The following ITSN1 variants were observed in gnomAD, a reference collection of about 807,000 sequenced individuals.
ITSN1 encodes intersectin 1, also known as intersectin-1.
A neutral mutation model predicts 239.8 loss-of-function variants in ITSN1; 58 were observed. The ratio of observed to expected loss-of-function variants is 0.24; its 90% CI spans 0.20 to 0.30. The LOEUF (loss-of-function observed/expected upper bound fraction) is 0.30. Ranked by LOEUF, ITSN1 falls within the 10% of genes least tolerant of loss-of-function variation. The pLI, the probability that ITSN1 is intolerant of heterozygous loss-of-function variation, is 1.00. For missense variants in ITSN1, 1,558 were observed against 2,103.3 expected, an observed-to-expected ratio of 0.74 and a Z score of 5.07; for synonymous variants, 780 against 770.8, an observed-to-expected ratio of 1.01 and a Z score of -0.20.
At chr21:33,789,597 C>G (rs1363886133) in intron 16 of ITSN1, among the ~76,000 whole-genome samples, 1 of 152,076 alleles carries the variant, frequency 6.6e-6, no homozygotes, top group Non-Finnish European at 1.5e-5. Flanking sequence ...ATTTTTTTCT[C>G]TTCATATACA....
intron 4 of ITSN1, among the ~76,000 whole-genome samples, chr21:33,729,540 G>A (rs910459074): frequency 1.3e-5 from 2 of 152,096 alleles, no homozygotes; most frequent in African/African-American, 2.4e-5. Flanking sequence ...CATTTTAGGA[G>A]TTTATTTTGC....
intron 4 of ITSN1, among the ~76,000 whole-genome samples, chr21:33,728,315 C>T (rs1406163221): frequency 6.6e-6 from 1 of 151,984 alleles, no homozygotes; most frequent in Non-Finnish European, 1.5e-5. Flanking sequence ...TCACTGCAAC[C>T]TCTGCCTCAC....
At chr21:33,860,307 CAAAA>C (rs941744929) in intron 31 of ITSN1, among the ~76,000 whole-genome samples, 10 of 92,956 alleles carry the variant, frequency 1.1e-4, no homozygotes, top group Admixed American at 2.3e-4. Context: ...AACCCTGTCT[CAAAA>C]AAAGAAAAAA....
chr21:33,785,181 A>G (rs1488950134), intron 16 of ITSN1, among the ~76,000 whole-genome samples: 4 of 152,222 alleles, frequency 2.6e-5, no homozygotes, highest in Admixed American at 6.5e-5. Context: ...AGAGTACAGA[A>G]TTTTAAAATT....
intron 33 of ITSN1, among the ~76,000 whole-genome samples, chr21:33,870,414 G>A (rs1218165516): frequency 6.6e-6 from 1 of 152,156 alleles, no homozygotes; most frequent in Non-Finnish European, 1.5e-5. Flanking sequence ...GCAGAAACAC[G>A]ATTGATTTCT....
At chr21:33,731,587 TCACAATGTATGAAAAGAATA>T in intron 4 of ITSN1, among the ~76,000 whole-genome samples, 1 of 152,324 alleles carries the variant, frequency 6.6e-6, no homozygotes, top group South Asian at 2.1e-4. Flanking sequence ...AAATAGAATT[TCACAATGTATGAAAAGAATA>T]CACAATGACC....
intron 17 of ITSN1, among the ~76,000 whole-genome samples, chr21:33,795,357 G>A (rs1326027283): frequency 6.6e-6 from 1 of 152,210 alleles, no homozygotes; most frequent in Non-Finnish European, 1.5e-5. Context: ...GCTGAGGCAG[G>A]AGGATCACTT....
chr21:33,781,597 T>G, intron 15 of ITSN1, 49 bp downstream of exon 15: 1 of 1,099,678 alleles, frequency 9.1e-7, no homozygotes, highest in Non-Finnish European at 1.3e-6. Context: ...CTTTCTTTTT[T>G]TGACATGGAG....
chr21:33,734,676 C>T (rs969570891), intron 4 of ITSN1, among the ~76,000 whole-genome samples: 9 of 152,092 alleles, frequency 5.9e-5, no homozygotes, highest in South Asian at 2.1e-4. Flanking sequence ...AAAATTTACT[C>T]GTTTAAAGTA....
intron 17 of ITSN1, among the ~76,000 whole-genome samples, chr21:33,796,157 T>C (rs2071546338): frequency 1.3e-5 from 2 of 151,926 alleles, no homozygotes; most frequent in South Asian, 4.2e-4. Flanking sequence ...AGAGATGGGG[T>C]TTCACCATGT....
intron 20 of ITSN1, among the ~76,000 whole-genome samples, chr21:33,809,596 G>A (rs1237315200): frequency 6.6e-6 from 1 of 152,020 alleles, no homozygotes; most frequent in African/African-American, 2.4e-5. Flanking sequence ...TACTTGAATG[G>A]ATTAGATAAC....
intron 1 of ITSN1, among the ~76,000 whole-genome samples, chr21:33,684,325 T>C (rs1037932852): frequency 9.2e-5 from 14 of 152,216 alleles, no homozygotes; most frequent in African/African-American, 3.4e-4. Flanking sequence ...ATGGCACTCA[T>C]CTGAGTACCG....
chr21:33,727,820 C>T (rs1328931490), intron 4 of ITSN1, among the ~76,000 whole-genome samples: 10 of 152,036 alleles, frequency 6.6e-5, no homozygotes, highest in South Asian at 2.1e-4. Flanking sequence ...ATTGCATTTA[C>T]GGACTTTATC....
At chr21:33,682,239 G>A (rs1355504574) in intron 1 of ITSN1, among the ~76,000 whole-genome samples, 3 of 148,624 alleles carry the variant, frequency 2.0e-5, no homozygotes, top group African/African-American at 7.4e-5. Context: ...TTTTGAGATG[G>A]AGTTTCACTC....
At chr21:33,649,438 T>C (rs1025613444) in intron 1 of ITSN1, among the ~76,000 whole-genome samples, 2 of 152,226 alleles carry the variant, frequency 1.3e-5, no homozygotes, top group Non-Finnish European at 2.9e-5. Context: ...GCATCACTGC[T>C]CTTTCGGTGT....
intron 5 of ITSN1, among the ~76,000 whole-genome samples, chr21:33,740,388 C>A (rs996452261): frequency 1.3e-5 from 2 of 152,108 alleles, no homozygotes; most frequent in Non-Finnish European, 2.9e-5. Flanking sequence ...AGAGGAGAAG[C>A]CAGAAACTGA....
intron 15 of ITSN1, 117 bp from the exon 16 acceptor site, chr21:33,781,877 C>A (rs2070217484): frequency 2.0e-6 from 2 of 1,021,034 alleles, no homozygotes; most frequent in Non-Finnish European, 2.8e-6. Context: ...CCGCACCCAG[C>A]CTTTTCTTAT....
At chr21:33,763,625 T>C (rs1420172987) in intron 9 of ITSN1, among the ~76,000 whole-genome samples, 1 of 152,182 alleles carries the variant, frequency 6.6e-6, no homozygotes, top group East Asian at 1.9e-4. Context: ...TTTGATTTTT[T>C]TTTTTGTTTT....
chr21:33,875,218 G>A lies in ITSN1; in HGVS notation c.4174-136G>A, dbSNP rs1448879539. The A allele has an allele frequency of 1.4e-5, 12 of 850,492 alleles. No homozygotes were observed. In the Admixed American group the frequency reaches 2.3e-4, roughly 16 times the overall value. The allele number at this position is 850,492 out of a possible 1,614,324, so 52.7% of individuals were successfully genotyped here. ...CGTGATTGCCATGTGGGTGCTCAGA[G>A]CTGCGATTGCTCAAGTGGGCGCCGT... On this transcript the variant is annotated intron_variant, in intron 33 of 39. Coordinates refer to ENST00000381318, the MANE Select transcript of ITSN1 (RefSeq NM_003024.3).
Sources: allele counts gnomAD v4.1 joint callset (sites outside exome capture counted in the v4.1 genomes callset), GRCh38; gene constraint gnomAD v4.1.1; transcripts MANE v1.5; gene names NCBI Gene and HGNC (gene_info 2026-07-23, HGNC 2026-07-21).